TRIM37: variants seen among roughly 807,000 people sequenced by gnomAD.
TRIM37 encodes E3 ubiquitin-protein ligase TRIM37.
TRIM37 carries 80 observed loss-of-function variants against 129.8 expected under a neutral mutation model. The observed-to-expected ratio is 0.62, with a 90% CI of 0.51 to 0.74. The LOEUF (loss-of-function observed/expected upper bound fraction) is 0.74, where lower values mean the gene tolerates loss of function less well. Ranked by LOEUF, TRIM37 falls within the 30% of genes least tolerant of loss-of-function variation. The pLI, the probability that TRIM37 is intolerant of heterozygous loss-of-function variation, is 0.00. For synonymous variants in TRIM37, 389 were observed against 387.1 expected, an observed-to-expected ratio of 1.00 and a Z score of -0.06; for missense variants, 1,054 against 1,176.5, an observed-to-expected ratio of 0.90 and a Z score of 1.52.
downstream of TRIM37, chr17:58,980,260 G>T: frequency 6.2e-7 from 1 of 1,614,194 alleles, no homozygotes; most frequent in Non-Finnish European, 8.5e-7. This position sits in a 1 kb window ranked among gnomAD's most constrained non-coding sequence, Gnocchi z 4.7. Flanking sequence ...ATGTTAGTGA[G>T]GAATCAGATT....
chr17:59,088,188 C>T (rs1171639059), intron 4 of TRIM37, 103 bp downstream of exon 4: 2 of 738,592 alleles, frequency 2.7e-6, no homozygotes, highest in African/African-American at 3.5e-5. Context: ...AAATATAACA[C>T]TACTTATTCA....
chr17:59,064,253 T>C (rs1271499364), intron 10 of TRIM37, 102 bp downstream of exon 10: 1 of 860,668 alleles, frequency 1.2e-6, no homozygotes, highest in Non-Finnish European at 1.8e-6. Flanking sequence ...ACTTCTAAAG[T>C]GAGTGACACA....
rs371459124 is a variant in TRIM37, at chr17:58,983,028, T to C, written c.2892-107A>G. 1.3e-3 allele frequency: 1,330 copies of C among 1,045,106 alleles called. 16 individuals are homozygous for C. In the South Asian group the frequency reaches 0.019, roughly 15 times the overall value. The allele number at this position is 1,045,106 out of a possible 1,614,324, so 64.7% of individuals were successfully genotyped here. A position where few individuals can be genotyped will look rare whatever the true frequency, so the allele number is the denominator to read the frequency against. The stretch of plus-strand genomic sequence containing the variant: ...TTTTTAAAATTTCTATTGTTGTCTA[T>C]TGGTAATGTTTTTGATCAGAATAAA... On this transcript the variant is annotated intron_variant, in intron 24 of 24. Coordinates refer to the TRIM37 transcript ENST00000393066.
intron 10 of TRIM37, 120 bp downstream of exon 10, chr17:59,064,235 C>A: frequency 1.3e-6 from 1 of 767,864 alleles, no homozygotes; most frequent in Non-Finnish European, 2.2e-6. Flanking sequence ...GAAACTTATT[C>A]TTCTAAGACT....
chr17:59,059,101 G>C (rs1291517130), intron 12 of TRIM37: 2 of 152,172 alleles, frequency 1.3e-5, no homozygotes, highest in Admixed American at 6.5e-5. Context: ...ACCGGGCACA[G>C]TGGCACACAC....
intron 1 of TRIM37, among the ~76,000 whole-genome samples, chr17:59,105,611 TATA>T (rs1307981354): frequency 1.3e-5 from 2 of 152,184 alleles, no homozygotes; most frequent in African/African-American, 4.8e-5. Context: ...ACAAAACCTT[TATA>T]ATACTTTATA....
chr17:58,999,412 G>C lies in TRIM37; in HGVS notation c.2860C>G (p.Leu954Val), dbSNP rs1354567029. The change falls in exon 24 of 24, where the codon CTC becomes GTC. Residue 954 changes from leucine (L) to valine (V), a missense_variant. Physicochemically the swap from Leu to Val is conservative, Grantham distance 32. Around this residue, in one of 3 missense-constraint regions of TRIM37, gnomAD observed 287 missense variants for 274.3 expected, o/e 1.05. Transcript: ENST00000262294. ...CTATTTTCATCTGTATTGAAGCTGA[G>C]ATCTTCAGGGCCTATTTGTTCACCA... ...PDGEQIGPED[L>V]SFNTDENSGR 1.2e-6 allele frequency: 2 copies of C among 1,613,736 alleles called. No homozygotes were observed. Among genetic ancestry groups the C allele is most frequent in the African/African-American group, 2.7e-5 (2 of 74,894 alleles).
chr17:59,012,912 C>A (rs1056991706), intron 21 of TRIM37, among the ~76,000 whole-genome samples: 1 of 150,958 alleles, frequency 6.6e-6, no homozygotes, highest in Non-Finnish European at 1.5e-5. Context: ...TAAATATTCA[C>A]AAAAAAATGT....
intron 9 of TRIM37, among the ~76,000 whole-genome samples, chr17:59,067,815 C>T (rs2042036415): frequency 6.9e-6 from 1 of 144,296 alleles, no homozygotes. Flanking sequence ...GGGTTACAGG[C>T]ATGAGCCACC....
downstream of TRIM37, among the ~76,000 whole-genome samples, chr17:58,977,968 C>T (rs1464121674): frequency 1.3e-5 from 2 of 152,202 alleles, no homozygotes; most frequent in African/African-American, 4.8e-5. Context: ...GCTTCGTACT[C>T]CCGACCTCAA....
At chr17:59,019,390 G>C (rs1052965615) in intron 19 of TRIM37, among the ~76,000 whole-genome samples, 1 of 152,134 alleles carries the variant, frequency 6.6e-6, no homozygotes. Flanking sequence ...GCCAGACATA[G>C]AAGACCTCAT....
intron 4 of TRIM37, among the ~76,000 whole-genome samples, chr17:59,087,473 TTTC>T (rs1183518006): frequency 3.3e-5 from 5 of 150,794 alleles, no homozygotes; most frequent in African/African-American, 1.2e-4. Context: ...TTTTTTTTTT[TTTC>T]TTTTTTTAAG....
At chr17:59,017,632 T>A (rs1413605004) in intron 19 of TRIM37, among the ~76,000 whole-genome samples, 1 of 152,124 alleles carries the variant, frequency 6.6e-6, no homozygotes, top group Non-Finnish European at 1.5e-5. Flanking sequence ...AATCTTTTTT[T>A]TTTTTCCCCC....
intron 2 of TRIM37, among the ~76,000 whole-genome samples, chr17:59,095,957 C>G (rs1050644142): frequency 2.0e-5 from 3 of 152,132 alleles, no homozygotes; most frequent in African/African-American, 7.2e-5. Flanking sequence ...TGGGCTCAAA[C>G]AATCCTCCAT....
the TRIM37 span, chr17:58,969,389 C>A: frequency 7.7e-6 from 6 of 779,672 alleles, no homozygotes; most frequent in Non-Finnish European, 1.3e-5. Context: ...GTTGATCAGG[C>A]ATGTTAGAGA....
At position 59,070,947 on chromosome 17, in the gene TRIM37, A is replaced by T. The variant is rs1334645336; in HGVS notation, c.685T>A (p.Leu229Met). ...AACTCACTCTTACTACAAGACCGCA[A>T]CTGTGTGAGGAAAAAAATTATCTGA... is the stretch of plus-strand genomic sequence containing the variant. ...ESLLQEVEHQ[L>M]RSCSKSELIS... The change falls in exon 9 of 24, where the codon TTG (leucine) becomes ATG (methionine). Residue 229 changes from leucine (L) to methionine (M), a missense_variant and splice_region_variant. Leu to Met is a conservative substitution (Grantham distance 15). Coordinates refer to ENST00000262294, the MANE Select transcript of TRIM37 (RefSeq NM_015294.6). The T allele has an allele frequency of 8.7e-6, 14 of 1,613,450 alleles. No homozygotes were observed. The highest frequency in any genetic ancestry group is 1.0e-5 in the Non-Finnish European group (12 of 1,179,850).
At chr17:59,002,205 ATTT>A (rs1215750904) in intron 22 of TRIM37, among the ~76,000 whole-genome samples, 1 of 151,978 alleles carries the variant, frequency 6.6e-6, no homozygotes, top group African/African-American at 2.4e-5. Context: ...TGGGCATCTA[ATTT>A]TTTTGTGTAT....
At chr17:59,046,540 GTTT>G (rs772227639) in intron 16 of TRIM37, among the ~76,000 whole-genome samples, 1 of 131,884 alleles carries the variant, frequency 7.6e-6, no homozygotes, top group Non-Finnish European at 1.6e-5. Flanking sequence ...ATGAAAAACA[GTTT>G]TTTTTTTTTT....
chr17:58,996,142 G>A (rs115069184), downstream of TRIM37, among the ~76,000 whole-genome samples: 1,484 of 152,154 alleles, frequency 9.8e-3, 17 homozygotes, highest in African/African-American at 0.034. Context: ...TCTTAACCAA[G>A]TAATCTCAAG....
Sources: allele counts gnomAD v4.1 joint callset (sites outside exome capture counted in the v4.1 genomes callset), GRCh38; gene constraint gnomAD v4.1.1; regional missense constraint gnomAD v4.1.1; non-coding constraint Gnocchi (gnomAD v3.1); transcripts MANE v1.5; gene names NCBI Gene and HGNC (gene_info 2026-07-23, HGNC 2026-07-21).